CWH43: variants seen among roughly 807,000 people sequenced by gnomAD.
The protein encoded by CWH43 is PGAP2-interacting protein.
A neutral mutation model predicts 85.7 loss-of-function variants in CWH43; 91 were observed. The ratio of observed to expected loss-of-function variants is 1.06; its 90% CI spans 0.90 to 1.26. CWH43 has a LOEUF of 1.26. Among genes scored for constraint, CWH43 ranks in the 50% most tolerant of loss-of-function variants. The pLI is 0.00. For synonymous variants in CWH43, 323 were observed against 293.6 expected (o/e 1.10, Z -1.02); for missense variants, 869 against 839.2 (o/e 1.04, Z -0.44).
rs1037855833 is a variant in CWH43, at chr4:48,986,299, C to A, written c.-131C>A. On this transcript the variant is annotated 5_prime_UTR_variant, in exon 1 of 16. Coordinates refer to ENST00000226432, the MANE Select transcript of CWH43 (RefSeq NM_025087.3). ...CAGTTGGCTGGGGCTCACTTGGCAACGGGACGCGGGAACGAGGGGCGCGGA... is the reference window on the plus strand; with the variant it reads ...CAGTTGGCTGGGGCTCACTTGGCAAAGGGACGCGGGAACGAGGGGCGCGGA... The A allele has an allele frequency of 2.3e-6, 2 of 882,226 alleles. No individual in the cohort carries two copies. Among genetic ancestry groups the A allele is most frequent in the African/African-American group, 3.5e-5 (2 of 57,776 alleles). 54.6% of individuals were successfully genotyped at this position (882,226 alleles called of 1,614,324 possible).
intron 14 of CWH43, among the ~76,000 whole-genome samples, chr4:49,046,308 CCATT>C (rs3038725): frequency 0.59 from 89,006 of 150,530 alleles, 29,198 homozygotes; most frequent in Admixed American, 0.76. Flanking sequence ...GAGGGACTAA[CCATT>C]CATTCATTCA....
In CWH43 at chr4:48,991,463, C is replaced by T; in HGVS notation, c.245C>T (p.Ala82Val). 8 of 1,614,050 alleles carry T rather than the reference C, an allele frequency of 5.0e-6. No homozygotes were observed. The highest frequency in any genetic ancestry group is 6.8e-6 in the Non-Finnish European group (8 of 1,179,960). Residue 82 changes from alanine to valine, a missense_variant, in exon 3 of 16, where the codon GCC becomes GTC. Physicochemically the swap from Ala to Val is moderately conservative, Grantham distance 64. Around this residue, in one of 3 missense-constraint regions of CWH43, gnomAD observed 140 missense variants for 122.6 expected, o/e 1.14. Transcript: ENST00000226432. ...CCTATTTTGTTTGTAGGCAGCATAG[C>T]CTCCTTCCAGGCTCCAAATGCCAAA... The part of the protein sequence containing the change: ...LLRIITIGSI[A>V]SFQAPNAKLR...
Position 48,992,948 on chromosome 4 carries a change from G to A in CWH43, c.511+858G>A, listed in dbSNP as rs748725989. Among the ~76,000 whole-genome samples the A allele has an allele frequency of 6.6e-6, 1 of 152,212 alleles. No homozygotes were observed. The highest frequency in any genetic ancestry group is 1.5e-5 in the Non-Finnish European group (1 of 68,036). On this transcript the variant is annotated intron_variant, in intron 4 of 15. Transcript: ENST00000226432. The surrounding 1 kb of genome is among the most constrained non-coding windows in gnomAD (Gnocchi z 4.3). ...TTAATAGTAGAAGACTTAGAACTCTGTCTGGTCCCCTAACTTATGTTTTAC... is the reference window on the plus strand; with the variant it reads ...TTAATAGTAGAAGACTTAGAACTCTATCTGGTCCCCTAACTTATGTTTTAC...
chr4:49,033,781 T>C (rs1784178028), intron 12 of CWH43, among the ~76,000 whole-genome samples: 1 of 152,184 alleles, frequency 6.6e-6, no homozygotes, highest in Non-Finnish European at 1.5e-5. Flanking sequence ...TTGACCATAC[T>C]AAACCACAAT....
At chr4:49,048,417 TC>T (rs1160501261) in intron 14 of CWH43, among the ~76,000 whole-genome samples, 6 of 151,202 alleles carry the variant, frequency 4.0e-5, no homozygotes, top group Admixed American at 4.0e-4. Flanking sequence ...AAATATGATA[TC>T]ATATATATAT....
intron 12 of CWH43, 35 bp downstream of exon 12, chr4:49,032,750 T>C: frequency 1.2e-6 from 2 of 1,607,878 alleles, no homozygotes; most frequent in Non-Finnish European, 1.7e-6. Flanking sequence ...ATTACACAAA[T>C]GCCAAGAAAT....
intron 2 of CWH43, 56 bp from the exon 3 acceptor site, chr4:48,991,398 C>A: frequency 6.2e-7 from 1 of 1,601,002 alleles, no homozygotes; most frequent in South Asian, 1.1e-5. Context: ...ATGCAGATCA[C>A]GGAGTTCCAA....
At chr4:49,031,004 G>T (rs183591391) in intron 11 of CWH43, 44 bp downstream of exon 11, 142 of 1,523,524 alleles carry the variant, frequency 9.3e-5, no homozygotes, top group Admixed American at 4.0e-4. Context: ...GTCATGAAAG[G>T]CTAGGCTGCA....
intron 8 of CWH43, among the ~76,000 whole-genome samples, chr4:49,011,061 A>G (rs886663133): frequency 6.6e-6 from 1 of 152,110 alleles, no homozygotes; most frequent in Non-Finnish European, 1.5e-5. Flanking sequence ...GATATGTCTA[A>G]TATTGACAGT....
Position 48,994,833 on chromosome 4 carries a change from T to G in CWH43, c.713+13T>G. The G allele has an allele frequency of 6.2e-7, 1 of 1,612,116 alleles. No homozygotes were observed. Among genetic ancestry groups the G allele is most frequent in the Non-Finnish European group, 8.5e-7 (1 of 1,178,836 alleles). ...CTAACCCATTTGGGTGAGTTTGGGT[T>G]TGGAAGCAATCACAAAATCGGCAGT... On this transcript the variant is annotated intron_variant, in intron 5 of 15. Transcript: ENST00000226432.
intron 14 of CWH43, among the ~76,000 whole-genome samples, chr4:49,046,747 C>T (rs556902897): frequency 6.6e-6 from 1 of 152,082 alleles, no homozygotes; most frequent in African/African-American, 2.4e-5. Flanking sequence ...AGGCCAGTGT[C>T]GCTGGAGTAG....
chr4:48,990,613 C>T (rs1191022663), intron 2 of CWH43, among the ~76,000 whole-genome samples: 1 of 152,078 alleles, frequency 6.6e-6, no homozygotes, highest in Non-Finnish European at 1.5e-5. Context: ...ACCAGAAAGG[C>T]TATAATCAAA....
intron 9 of CWH43, among the ~76,000 whole-genome samples, chr4:49,021,146 A>G (rs1320309796): frequency 6.6e-6 from 1 of 152,022 alleles, no homozygotes; most frequent in Non-Finnish European, 1.5e-5. Context: ...ATTTTAAAAG[A>G]GTTTTTCCAA....
intron 12 of CWH43, among the ~76,000 whole-genome samples, chr4:49,035,710 A>C (rs1784243106): frequency 1.3e-5 from 2 of 152,164 alleles, no homozygotes; most frequent in African/African-American, 2.4e-5. Flanking sequence ...TTCCTTATAC[A>C]TATACTTTTT....
chr4:48,988,624 T>C lies in CWH43; in HGVS notation c.191T>C (p.Val64Ala). 1 of 1,613,194 alleles carries C rather than the reference T, an allele frequency of 6.2e-7. No homozygotes were observed. The highest frequency in any genetic ancestry group is 8.5e-7 in the Non-Finnish European group (1 of 1,179,446). The change falls in exon 2 of 16, where the codon GTT (valine) becomes GCT (alanine). Residue 64 changes from valine (V) to alanine (A), a missense_variant. This residue lies in a region of CWH43 where 140 missense variants were observed against 122.6 expected (regional missense o/e 1.14). Coordinates refer to ENST00000226432, the MANE Select transcript of CWH43 (RefSeq NM_025087.3). ...ACAATTACTCCTTTCTGGAAATTGGTTAACAAGAAGTGGATGCTAACCCTG... is the reference window on the plus strand; with the variant it reads ...ACAATTACTCCTTTCTGGAAATTGGCTAACAAGAAGTGGATGCTAACCCTG... ...FLTITPFWKL[V>A]NKKWMLTLLR...
chr4:48,998,974 T>G lies in CWH43; in HGVS notation c.802+426T>G, dbSNP rs149979043. ...TTAAGTTCAGGGGTACATGTGCAGG[T>G]TTGTTACATAAGTAAATTCGTGCAA... On this transcript the variant is annotated intron_variant, in intron 6 of 15. Transcript: ENST00000226432. 1.5e-3 allele frequency among the ~76,000 whole-genome samples: 223 copies of G among 152,308 alleles called. No homozygotes were observed. The East Asian group carries it at 0.017, about 11-fold the overall frequency.
chr4:49,004,782 C>G (rs1459090849), intron 7 of CWH43, among the ~76,000 whole-genome samples: 2 of 152,134 alleles, frequency 1.3e-5, no homozygotes, highest in South Asian at 2.1e-4. Context: ...ATATATTTAC[C>G]ATTTTAGTGG....
At chr4:49,030,686 A>C in intron 10 of CWH43, 139 bp from the exon 11 acceptor site, 2 of 648,238 alleles carry the variant, frequency 3.1e-6, no homozygotes, top group South Asian at 4.1e-5. Flanking sequence ...ACTTCTCTCT[A>C]GTGACTCACT....
At chr4:49,035,156 A>G (rs1446821931) in intron 12 of CWH43, among the ~76,000 whole-genome samples, 1 of 152,234 alleles carries the variant, frequency 6.6e-6, no homozygotes, top group Non-Finnish European at 1.5e-5. Flanking sequence ...TGTTTTCTAC[A>G]GTACTAGATA....
Sources: allele counts gnomAD v4.1 joint callset (sites outside exome capture counted in the v4.1 genomes callset), GRCh38; gene constraint gnomAD v4.1.1; regional missense constraint gnomAD v4.1.1; non-coding constraint Gnocchi (gnomAD v3.1); transcripts MANE v1.5; gene names NCBI Gene and HGNC (gene_info 2026-07-23, HGNC 2026-07-21).